ZRANB3: variants seen among roughly 807,000 people sequenced by gnomAD.
The protein encoded by ZRANB3 is DNA annealing helicase and endonuclease ZRANB3.
ZRANB3 carries 125 observed loss-of-function variants against 133.8 expected under a neutral mutation model. That is an observed-to-expected ratio of 0.93 (90% CI 0.81 to 1.08). The LOEUF (loss-of-function observed/expected upper bound fraction) is 1.08, where lower values mean the gene tolerates loss of function less well. Ranked by LOEUF, ZRANB3 falls within the 50% of genes least tolerant of loss-of-function variation. The pLI is 0.00. For missense variants in ZRANB3, 1,229 were observed against 1,275.5 expected, an observed-to-expected ratio of 0.96 and a Z score of 0.56; for synonymous variants, 387 against 432.7, an observed-to-expected ratio of 0.89 and a Z score of 1.31.
chr2:135,481,701 C>T (rs1387400250), intron 2 of ZRANB3, among the ~76,000 whole-genome samples: 9 of 150,594 alleles, frequency 6.0e-5, no homozygotes, highest in Admixed American at 3.3e-4. Context: ...ATGCCTATGT[C>T]CTGAATGGTA....
intron 1 of ZRANB3, among the ~76,000 whole-genome samples, chr2:135,510,073 CAAA>C (rs1002269080): frequency 1.3e-5 from 2 of 152,162 alleles, no homozygotes; most frequent in African/African-American, 4.8e-5. Context: ...TTGTGACTCT[CAAA>C]GAAGTAACAA....
At chr2:135,283,810 G>A (rs1054857373) in intron 8 of ZRANB3, among the ~76,000 whole-genome samples, 4 of 151,538 alleles carry the variant, frequency 2.6e-5, no homozygotes, top group Non-Finnish European at 4.4e-5. Context: ...GCCTATTTAG[G>A]GATGTTGAAA....
intron 1 of ZRANB3, among the ~76,000 whole-genome samples, chr2:135,519,865 C>T (rs1693851109): frequency 6.6e-6 from 1 of 152,038 alleles, no homozygotes; most frequent in South Asian, 2.1e-4. Context: ...GTTTGGAAGG[C>T]TTCTAAATAT....
intron 12 of ZRANB3, among the ~76,000 whole-genome samples, chr2:135,261,468 C>T (rs190640503): frequency 6.6e-6 from 1 of 152,082 alleles, no homozygotes; most frequent in East Asian, 1.9e-4. Flanking sequence ...CTAACCAAAA[C>T]CAACAAAAGA....
Position 135,239,636 on chromosome 2 carries a change from T to C in ZRANB3, c.1540-8709A>G, listed in dbSNP as rs548587623. On this transcript the variant is annotated intron_variant, in intron 12 of 20. Transcript: ENST00000264159. ...GAAATATACAGAATTCAGATAAATA[T>C]AGAGAATGAAATCATTAACCACAAG... Among the ~76,000 whole-genome samples the C allele has an allele frequency of 3.3e-5, 5 of 152,236 alleles. No individual in the cohort carries two copies. In the East Asian group the frequency reaches 7.7e-4, roughly 23 times the overall value.
chr2:135,327,393 C>G (rs902403177), intron 6 of ZRANB3, among the ~76,000 whole-genome samples: 42 of 151,984 alleles, frequency 2.8e-4, no homozygotes, highest in Middle Eastern at 3.2e-3. Context: ...TGGTTGGAGT[C>G]TTTCAGTGAA....
chr2:135,384,670 G>C (rs1354981617), intron 3 of ZRANB3, among the ~76,000 whole-genome samples: 2 of 152,186 alleles, frequency 1.3e-5, no homozygotes, highest in Non-Finnish European at 1.5e-5. Context: ...TCATCCCTGG[G>C]ATGCAAGGCT....
intron 1 of ZRANB3, among the ~76,000 whole-genome samples, chr2:135,517,598 C>A (rs1240631172): frequency 6.6e-6 from 1 of 152,226 alleles, no homozygotes; most frequent in Non-Finnish European, 1.5e-5. Context: ...GTATCACCAG[C>A]AGAAGCTGCA....
chr2:135,526,298 G>A (rs1694160149), intron 1 of ZRANB3, among the ~76,000 whole-genome samples: 1 of 151,706 alleles, frequency 6.6e-6, no homozygotes, highest in Admixed American at 6.6e-5. Context: ...CGAGTAGCTG[G>A]GATTACAGGT....
At chr2:135,336,774 C>CA (rs1251310878) in intron 6 of ZRANB3, among the ~76,000 whole-genome samples, 1 of 151,698 alleles carries the variant, frequency 6.6e-6, no homozygotes, top group African/African-American at 2.4e-5. Context: ...AGTCAGGAAA[C>CA]AAAAAAAGAA....
chr2:135,319,330 A>G (rs563707834), intron 6 of ZRANB3, among the ~76,000 whole-genome samples: 1 of 152,350 alleles, frequency 6.6e-6, no homozygotes, highest in African/African-American at 2.4e-5. Flanking sequence ...TGTTTTTTCA[A>G]CATTGTCCAC....
intron 1 of ZRANB3, among the ~76,000 whole-genome samples, chr2:135,506,099 G>C (rs895087609): frequency 6.6e-6 from 1 of 152,140 alleles, no homozygotes; most frequent in Non-Finnish European, 1.5e-5. Flanking sequence ...ACAGAAAGAA[G>C]GCTAAGGTGG....
At chr2:135,371,166 C>A (rs1168648323) in intron 3 of ZRANB3, among the ~76,000 whole-genome samples, 2 of 152,174 alleles carry the variant, frequency 1.3e-5, no homozygotes, top group African/African-American at 4.8e-5. Flanking sequence ...AAGCTCATTA[C>A]TCAAAAAGGA....
intron 2 of ZRANB3, among the ~76,000 whole-genome samples, chr2:135,443,648 A>G (rs1689891159): frequency 6.6e-6 from 1 of 152,214 alleles, no homozygotes; most frequent in Admixed American, 6.5e-5. Context: ...AAAGTCCATC[A>G]TCTCAGTCTA....
chr2:135,443,334 C>T (rs1419877336), intron 2 of ZRANB3, among the ~76,000 whole-genome samples: 3 of 127,018 alleles, frequency 2.4e-5, no homozygotes, highest in South Asian at 2.6e-4. Context: ...TGAGAATACA[C>T]GGACAATGGG....
intron 1 of ZRANB3, among the ~76,000 whole-genome samples, chr2:135,529,249 CATAGGGAGGGAAAAA>C (rs1382765704): frequency 6.6e-6 from 1 of 152,142 alleles, no homozygotes; most frequent in African/African-American, 2.4e-5. Context: ...AGGGCACACG[CATAGGGAGGGAAAAA>C]CCCTTTTCTG....
At chr2:135,379,099 A>G (rs1375883021) in intron 3 of ZRANB3, among the ~76,000 whole-genome samples, 1 of 152,212 alleles carries the variant, frequency 6.6e-6, no homozygotes, top group African/African-American at 2.4e-5. Flanking sequence ...TAAGATATCA[A>G]TAATAGGGGA....
Position 135,482,554 on chromosome 2 carries a change from A to G in ZRANB3, c.161+21775T>C, listed in dbSNP as rs369620804. 2.0e-4 allele frequency among the ~76,000 whole-genome samples: 31 copies of G among 151,724 alleles called. No homozygotes were observed. In the East Asian group the frequency reaches 6.0e-3, roughly 29 times the overall value. Reference sequence around the variant, plus strand: ...GGTTTTCTAGATATACAATCATGTCATCTGCAAACAGGGACAATTTGACTT... The same window carrying G: ...GGTTTTCTAGATATACAATCATGTCGTCTGCAAACAGGGACAATTTGACTT... On this transcript the variant is annotated intron_variant, in intron 2 of 20. Coordinates refer to ENST00000264159, the MANE Select transcript of ZRANB3 (RefSeq NM_032143.4).
At chr2:135,421,802 T>G (rs1688854693) in intron 2 of ZRANB3, among the ~76,000 whole-genome samples, 1 of 152,080 alleles carries the variant, frequency 6.6e-6, no homozygotes, top group South Asian at 2.1e-4. Context: ...TATTTTATAT[T>G]GTCAACCCAT....
Sources: allele counts gnomAD v4.1 joint callset (sites outside exome capture counted in the v4.1 genomes callset), GRCh38; gene constraint gnomAD v4.1.1; transcripts MANE v1.5; gene names NCBI Gene and HGNC (gene_info 2026-07-23, HGNC 2026-07-21).